Variants in PPP4R4 observed in about 807,000 individuals in gnomAD.
PPP4R4 encodes the protein serine/threonine-protein phosphatase 4 regulatory subunit 4.
PPP4R4 carries 70 observed loss-of-function variants against 121.8 expected under a neutral mutation model. The observed-to-expected ratio is 0.57, with a 90% CI of 0.47 to 0.70. The LOEUF is 0.70. PPP4R4 is among the 30% of genes least tolerant of loss of function. The pLI is 0.00. For missense variants in PPP4R4, 875 were observed against 1,033.6 expected, an observed-to-expected ratio of 0.85 and a Z score of 2.10; for synonymous variants, 348 against 355.7, an observed-to-expected ratio of 0.98 and a Z score of 0.24.
At chr14:94,221,988 C>T (rs1891424400) in intron 3 of PPP4R4, among the ~76,000 whole-genome samples, 1 of 151,958 alleles carries the variant, frequency 6.6e-6, no homozygotes, top group South Asian at 2.1e-4. Context: ...GTGGTATAAC[C>T]ATTCAATGAT....
chr14:94,199,287 G>A (rs937890533), intron 2 of PPP4R4, among the ~76,000 whole-genome samples: 2 of 152,208 alleles, frequency 1.3e-5, no homozygotes, highest in African/African-American at 2.4e-5. Flanking sequence ...CTCGCAGGGC[G>A]TGCAGTGGGG....
intron 2 of PPP4R4, among the ~76,000 whole-genome samples, chr14:94,183,785 A>G (rs1889115074): frequency 6.6e-6 from 1 of 152,162 alleles, no homozygotes; most frequent in Non-Finnish European, 1.5e-5. Flanking sequence ...CAAAGTTTTC[A>G]TCTTGTAAGC....
chr14:94,236,367 T>C (rs751119236), intron 7 of PPP4R4, among the ~76,000 whole-genome samples: 11 of 152,348 alleles, frequency 7.2e-5, no homozygotes, highest in African/African-American at 2.6e-4. Context: ...TCAGTAGGTA[T>C]ACAAATATAT....
Position 94,246,473 on chromosome 14 carries a change from T to G in PPP4R4, c.1545T>G (p.His515Gln). The G allele has an allele frequency of 6.2e-7, 1 of 1,614,068 alleles. No individual in the cohort carries two copies. The highest frequency in any genetic ancestry group is 8.5e-7 in the Non-Finnish European group (1 of 1,179,898). The stretch of plus-strand genomic sequence containing the variant: ...TTCAGAAATATGCCTGCCTGCCACA[T>G]GTCATATCAAGCGATCAGATTTATT... Reference protein sequence around the residue: ...KLLQKYACLPHVISSDQIYYR... With the variant: ...KLLQKYACLPQVISSDQIYYR... The change falls in exon 14 of 25, where the codon CAT becomes CAG. Residue 515 changes from histidine (H) to glutamine (Q), a missense_variant. Physicochemically the swap from His to Gln is conservative, Grantham distance 24. Transcript: ENST00000304338.
intron 11 of PPP4R4, among the ~76,000 whole-genome samples, chr14:94,243,831 G>A (rs1892751387): frequency 6.6e-6 from 1 of 151,592 alleles, no homozygotes; most frequent in Non-Finnish European, 1.5e-5. Context: ...TTTTCTAACA[G>A]TGTCAATGCT....
At chr14:94,277,257 C>T (rs990434282) in intron 24 of PPP4R4, among the ~76,000 whole-genome samples, 3 of 152,020 alleles carry the variant, frequency 2.0e-5, no homozygotes, top group Non-Finnish European at 4.4e-5. Context: ...GCTGAGATTG[C>T]GCCACTGCAC....
intron 11 of PPP4R4, among the ~76,000 whole-genome samples, chr14:94,243,483 A>G (rs894273750): frequency 2.0e-5 from 3 of 152,142 alleles, no homozygotes; most frequent in African/African-American, 7.2e-5. Context: ...AGGGTTGTAC[A>G]AGTTTGGAGT....
At chr14:94,252,937 T>C (rs1268785049) in intron 16 of PPP4R4, among the ~76,000 whole-genome samples, 2 of 152,216 alleles carry the variant, frequency 1.3e-5, no homozygotes, top group Non-Finnish European at 2.9e-5. Context: ...TTAATAGTCT[T>C]GGTGTTGAGA....
intron 3 of PPP4R4, among the ~76,000 whole-genome samples, chr14:94,215,120 G>A (rs1890952989): frequency 6.6e-6 from 1 of 152,068 alleles, no homozygotes; most frequent in Non-Finnish European, 1.5e-5. Context: ...AATAATGTGT[G>A]GAACACTGTA....
At chr14:94,268,882 G>C (rs1894178257) in intron 23 of PPP4R4, among the ~76,000 whole-genome samples, 1 of 152,048 alleles carries the variant, frequency 6.6e-6, no homozygotes, top group Non-Finnish European at 1.5e-5. Flanking sequence ...GGTGAGATTT[G>C]GGTAGCGACA....
At chr14:94,267,298 T>C (rs1894101079) in intron 23 of PPP4R4, among the ~76,000 whole-genome samples, 1 of 152,078 alleles carries the variant, frequency 6.6e-6, no homozygotes, top group Non-Finnish European at 1.5e-5. Flanking sequence ...ACTGGGAAGG[T>C]TTACTGAGGC....
At position 94,174,600 on chromosome 14, in the gene PPP4R4, G is replaced by A. The variant is rs1332698586; in HGVS notation, c.117+18G>A. The stretch of plus-strand genomic sequence containing the variant: ...GCCTCAAGGTGCGCCCCGGGGAGAG[G>A]ACCTGCCCTCACGGCGTCCGGCCGC... On this transcript the variant is annotated intron_variant, in intron 1 of 24. Coordinates refer to ENST00000304338, the MANE Select transcript of PPP4R4 (RefSeq NM_058237.2). 3.1e-6 allele frequency: 5 copies of A among 1,608,236 alleles called. No individual in the cohort carries two copies. Among genetic ancestry groups the A allele is most frequent in the African/African-American group, 2.7e-5 (2 of 74,684 alleles).
rs1376365041 is a variant in PPP4R4 at position 94,210,781 on chromosome 14, G to T, written c.294+2215G>T. Among the ~76,000 whole-genome samples, 3 of 152,124 alleles carry T rather than the reference G, an allele frequency of 2.0e-5. No homozygotes were observed. The East Asian group carries it at 5.8e-4, about 29-fold the overall frequency. On this transcript the variant is annotated intron_variant, in intron 3 of 24. Transcript: ENST00000304338. ...AGGCAAATGAGAAGGGCTTTATGGG[G>T]GTAACTCCAGTAATAATGACTTTTA...
chr14:94,250,153 TCTTA>T lies in PPP4R4; in HGVS notation c.1612-11_1612-8del, dbSNP rs558696993. On this transcript the variant is annotated splice_polypyrimidine_tract_variant and intron_variant, in intron 14 of 24. Coordinates refer to ENST00000304338, the MANE Select transcript of PPP4R4 (RefSeq NM_058237.2). Reference sequence around the variant, plus strand: ...AGAATTAGCCTAGTGTAACTGTCTGTCTTACTTACTTCTTCAAGAATGTTTTACC... The same window carrying T: ...AGAATTAGCCTAGTGTAACTGTCTGTCTTACTTCTTCAAGAATGTTTTACC... 109 of 1,517,360 alleles carry T rather than the reference TCTTA, an allele frequency of 7.2e-5. 2 individuals are homozygous for T. Among genetic ancestry groups the T allele is most frequent in the East Asian group, 1.6e-4 (7 of 44,346 alleles). The allele number at this position is 1,517,360 out of a possible 1,614,324, so 94.0% of individuals were successfully genotyped here.
chr14:94,177,541 A>G (rs1219083923), intron 2 of PPP4R4, among the ~76,000 whole-genome samples: 1 of 152,218 alleles, frequency 6.6e-6, no homozygotes, highest in East Asian at 1.9e-4. Flanking sequence ...AGTGTGGACA[A>G]ATGTGTTTTA....
chr14:94,243,480 T>C (rs1426563694), intron 11 of PPP4R4, among the ~76,000 whole-genome samples: 1 of 152,180 alleles, frequency 6.6e-6, no homozygotes, highest in African/African-American at 2.4e-5. Context: ...GAGAGGGTTG[T>C]ACAAGTTTGG....
intron 16 of PPP4R4, 70 bp from the exon 17 acceptor site, chr14:94,256,390 A>T: frequency 7.5e-7 from 1 of 1,327,960 alleles, no homozygotes. Flanking sequence ...CTAAAACTTG[A>T]TTTTTGTTTT....
intron 2 of PPP4R4, among the ~76,000 whole-genome samples, chr14:94,185,233 G>A (rs1889204091): frequency 1.3e-5 from 2 of 152,208 alleles, no homozygotes; most frequent in Admixed American, 6.5e-5. Context: ...GCTGGGCATA[G>A]TGGCTTTCAC....
intron 2 of PPP4R4, among the ~76,000 whole-genome samples, chr14:94,197,624 A>G (rs1045616210): frequency 6.6e-6 from 1 of 152,186 alleles, no homozygotes; most frequent in South Asian, 2.1e-4. Context: ...GACTTTTCAC[A>G]TATGTGTATT....
Sources: gnomAD v4.1 joint callset for allele counts (sites outside exome capture counted in the v4.1 genomes callset) on GRCh38, gnomAD v4.1.1 for gene constraint, MANE v1.5 for transcripts, NCBI Gene and HGNC (gene_info 2026-07-23, HGNC 2026-07-21) for gene names.